CDH13: variants seen among roughly 807,000 people sequenced by gnomAD.
CDH13 encodes the protein cadherin-13.
Under a neutral mutation model 63.8 loss-of-function variants are expected in CDH13, and 24 were observed. That is an observed-to-expected ratio of 0.38 (90% CI 0.27 to 0.53). The LOEUF (loss-of-function observed/expected upper bound fraction) is 0.53. CDH13 is among the 20% of genes least tolerant of loss of function. The pLI is 0.85. For synonymous variants in CDH13, 503 were observed against 355.3 expected (o/e 1.42, Z -4.67); for missense variants, 1,049 against 903.1 (o/e 1.16, Z -2.07).
intron 10 of CDH13, among the ~76,000 whole-genome samples, chr16:83,724,383 G>A (rs1481930407): frequency 1.3e-5 from 2 of 150,332 alleles, no homozygotes; most frequent in Non-Finnish European, 1.5e-5. Context: ...ATGCATGGGT[G>A]GGTGATGAAT....
intron 7 of CDH13, among the ~76,000 whole-genome samples, chr16:83,535,087 G>T (rs868679377): frequency 3.3e-5 from 5 of 152,168 alleles, no homozygotes; most frequent in Non-Finnish European, 7.3e-5. Flanking sequence ...ATATTGTTGG[G>T]GTCCTTTTTC....
chr16:82,742,862 C>G (rs1012045574), intron 1 of CDH13, among the ~76,000 whole-genome samples: 5 of 152,234 alleles, frequency 3.3e-5, no homozygotes, highest in Admixed American at 3.3e-4. Flanking sequence ...TACTGAAAAT[C>G]CCTCCATGAG....
chr16:82,745,047 G>C (rs2151060106), intron 1 of CDH13, among the ~76,000 whole-genome samples: 1 of 152,186 alleles, frequency 6.6e-6, no homozygotes, highest in East Asian at 1.9e-4. Context: ...ATGCAATCTA[G>C]TGACAAATCA....
intron 10 of CDH13, chr16:83,740,107 T>A (rs1385898438): frequency 2.0e-5 from 3 of 152,084 alleles, no homozygotes; most frequent in Admixed American, 2.0e-4. Flanking sequence ...AATAATTTAC[T>A]AATTTCAAGG....
intron 2 of CDH13, among the ~76,000 whole-genome samples, chr16:82,972,114 T>TA (rs1263355951): frequency 6.6e-6 from 1 of 152,132 alleles, no homozygotes; most frequent in African/African-American, 2.4e-5. Flanking sequence ...AGGGTGAGGC[T>TA]AAATCCCAAA....
At chr16:83,665,943 G>A (rs1913908934) in intron 8 of CDH13, among the ~76,000 whole-genome samples, 1 of 152,152 alleles carries the variant, frequency 6.6e-6, no homozygotes, top group Admixed American at 6.5e-5. Flanking sequence ...GAATGTCTAT[G>A]ATGTAAGTCA....
chr16:83,380,417 A>G (rs961506342), intron 6 of CDH13, among the ~76,000 whole-genome samples: 3 of 152,116 alleles, frequency 2.0e-5, no homozygotes, highest in African/African-American at 4.8e-5. Flanking sequence ...TTTTGCTCCC[A>G]GCTATTTTTT....
chr16:82,680,230 G>A (rs985315974), intron 1 of CDH13, among the ~76,000 whole-genome samples: 1 of 152,220 alleles, frequency 6.6e-6, no homozygotes, highest in Admixed American at 6.5e-5. Context: ...GGTCTAATGA[G>A]AGTTACTGCC....
chr16:82,869,406 G>A (rs144901469), intron 2 of CDH13, among the ~76,000 whole-genome samples: 2 of 151,802 alleles, frequency 1.3e-5, no homozygotes, highest in Admixed American at 6.6e-5. Context: ...TGCGGAAGGG[G>A]TAGAACAAGG....
intron 5 of CDH13, among the ~76,000 whole-genome samples, chr16:83,256,674 CAA>C (rs59651612): frequency 6.6e-4 from 76 of 115,626 alleles, no homozygotes; most frequent in South Asian, 6.2e-3. Context: ...TACTAAAATA[CAA>C]AAAAAAAAAA....
chr16:83,783,451 C>T lies in CDH13; in HGVS notation c.2113C>T (p.Leu705Phe), dbSNP rs745866308. The T allele has an allele frequency of 1.2e-6, 2 of 1,613,860 alleles. No homozygotes were observed. Among genetic ancestry groups the T allele is most frequent in the African/African-American group, 1.3e-5 (1 of 74,940 alleles). The change falls in exon 13 of 14, where the codon CTC becomes TTC. Residue 705 changes from leucine to phenylalanine, a missense_variant. By Grantham distance (22) the Leu-to-Phe change is conservative. Transcript: ENST00000567109. ...CTTCAGCCTGCCCTCAGTCCTGCTC[C>T]TCAGCCTCTTCAGCTTAGCTTGTAA... ...LRFSLPSVLL[L>F]SLFSLACL
Position 83,032,196 on chromosome 16 carries a change from A to G in CDH13, c.344A>G (p.Lys115Arg), listed in dbSNP as rs564135228. ...GCAGAACTCGTGATTGTCGGGGGGA[A>G]AGACATCCAGGGCTCCTTGCAGGTA... Reference protein sequence around the residue: ...DMAELVIVGGKDIQGSLQDIF... With the variant: ...DMAELVIVGGRDIQGSLQDIF... The change falls in exon 3 of 14, where the codon AAA becomes AGA. Residue 115 changes from lysine to arginine, a missense_variant. Coordinates refer to ENST00000567109, the MANE Select transcript of CDH13 (RefSeq NM_001257.5). 31 of 1,613,584 alleles carry G rather than the reference A, an allele frequency of 1.9e-5. No homozygotes were observed. The highest frequency in any genetic ancestry group is 6.8e-6 in the Non-Finnish European group (8 of 1,179,646).
chr16:82,947,359 C>G (rs867963361), intron 2 of CDH13, among the ~76,000 whole-genome samples: 1 of 151,946 alleles, frequency 6.6e-6, no homozygotes, highest in South Asian at 2.1e-4. Flanking sequence ...AAGAGTATAA[C>G]GTTTCAGAAT....
At chr16:83,615,931 C>T (rs1909244067) in intron 8 of CDH13, among the ~76,000 whole-genome samples, 1 of 152,152 alleles carries the variant, frequency 6.6e-6, no homozygotes, top group Non-Finnish European at 1.5e-5. Flanking sequence ...CTTTTTTCTC[C>T]TGCACCAAGA....
intron 7 of CDH13, among the ~76,000 whole-genome samples, chr16:83,572,656 C>G (rs115555890): frequency 6.6e-6 from 1 of 152,160 alleles, no homozygotes; most frequent in African/African-American, 2.4e-5. Context: ...GATGTTATTC[C>G]TGGCCACTTC....
At chr16:82,640,941 T>C (rs1054785928) in intron 1 of CDH13, among the ~76,000 whole-genome samples, 2 of 152,226 alleles carry the variant, frequency 1.3e-5, no homozygotes, top group African/African-American at 4.8e-5. Context: ...ATTGAATTCC[T>C]CTAAATAAAT....
At chr16:82,983,978 A>T (rs540538313) in intron 2 of CDH13, among the ~76,000 whole-genome samples, 1 of 152,212 alleles carries the variant, frequency 6.6e-6, no homozygotes, top group African/African-American at 2.4e-5. Flanking sequence ...TCTGCCATAG[A>T]TACAAGGACT....
intron 1 of CDH13, among the ~76,000 whole-genome samples, chr16:82,805,260 A>T (rs1361188771): frequency 6.6e-6 from 1 of 152,218 alleles, no homozygotes; most frequent in African/African-American, 2.4e-5. Flanking sequence ...CATATGCAGA[A>T]GAGAGAAGTG....
chr16:83,740,239 G>C (rs936744712), intron 10 of CDH13, among the ~76,000 whole-genome samples: 3 of 151,978 alleles, frequency 2.0e-5, no homozygotes, highest in Non-Finnish European at 4.4e-5. Context: ...ATGGTTAAGA[G>C]TTTGGATTTT....
Sources: gnomAD v4.1 joint callset for allele counts (sites outside exome capture counted in the v4.1 genomes callset) on GRCh38, gnomAD v4.1.1 for gene constraint, MANE v1.5 for transcripts, NCBI Gene and HGNC (gene_info 2026-07-23, HGNC 2026-07-21) for gene names.